ADAM22: variants seen among roughly 807,000 people sequenced by gnomAD.
The protein encoded by ADAM22 is disintegrin and metalloproteinase domain-containing protein 22.
ADAM22 carries 65 observed loss-of-function variants against 144.6 expected under a neutral mutation model. That is an observed-to-expected ratio of 0.45 (90% CI 0.37 to 0.55). The LOEUF (loss-of-function observed/expected upper bound fraction) is 0.55, where lower values mean the gene tolerates loss of function less well. Ranked by LOEUF, ADAM22 falls within the 20% of genes least tolerant of loss-of-function variation. ADAM22 has a pLI of 0.00. For synonymous variants in ADAM22, 391 were observed against 412.6 expected (o/e 0.95, Z 0.63); for missense variants, 974 against 1,184.9 (o/e 0.82, Z 2.61).
In ADAM22 at chr7:87,935,102, CCTCATCTACCG is replaced by C; in HGVS notation, c.166_176del (p.Ile56GlyfsTer28). On this transcript the variant is annotated frameshift_variant, in exon 2 of 32. Coordinates refer to ENST00000413139, the MANE Select transcript of ADAM22 (RefSeq NM_001324418.2). LOFTEE classifies it high-confidence loss of function. ...AGCGCCAGAGCATCGTGCCACTGCG[CCTCATCTACCG>C]CTCGGGCGGCGAAGACGAAAGTCGG... The C allele has an allele frequency of 2.5e-6, 4 of 1,614,064 alleles. No individual in the cohort carries two copies. Among genetic ancestry groups the C allele is most frequent in the Non-Finnish European group, 3.4e-6 (4 of 1,180,020 alleles).
intron 3 of ADAM22, among the ~76,000 whole-genome samples, chr7:88,011,464 C>T (rs1025791334): frequency 6.6e-5 from 10 of 151,126 alleles, no homozygotes; most frequent in African/African-American, 2.4e-4. Flanking sequence ...GGCGTGAACC[C>T]GGCAGGCAGA....
intron 3 of ADAM22, among the ~76,000 whole-genome samples, chr7:87,981,082 G>A (rs980988157): frequency 6.6e-6 from 1 of 152,032 alleles, no homozygotes; most frequent in Admixed American, 6.6e-5. Flanking sequence ...TGAAGAAGTG[G>A]ATAATTAAAC....
At chr7:88,178,908 G>T in intron 26 of ADAM22, 27 bp from the exon 27 acceptor site, 1 of 1,484,196 alleles carries the variant, frequency 6.7e-7, no homozygotes, top group South Asian at 1.3e-5. Flanking sequence ...CTTGTTTTCT[G>T]ACTCTGAAAT....
intron 3 of ADAM22, among the ~76,000 whole-genome samples, chr7:87,992,948 A>T (rs2129451885): frequency 6.6e-6 from 1 of 152,316 alleles, no homozygotes; most frequent in Non-Finnish European, 1.5e-5. Flanking sequence ...ACCTTGGTAA[A>T]GTAAAAGGTA....
intron 31 of ADAM22, 54 bp downstream of exon 31, chr7:88,193,293 A>G (rs1159646532): frequency 2.6e-6 from 4 of 1,552,600 alleles, no homozygotes; most frequent in African/African-American, 1.4e-5. Context: ...TCATTTATCT[A>G]TGAGTTTATA....
chr7:88,079,743 A>G (rs1815901540), intron 4 of ADAM22, among the ~76,000 whole-genome samples: 2 of 152,208 alleles, frequency 1.3e-5, no homozygotes, highest in Admixed American at 6.5e-5. Flanking sequence ...ATCAAAAGAG[A>G]CAAAGAAGGC....
chr7:88,191,928 A>C lies in ADAM22; in HGVS notation c.2751-1188A>C, dbSNP rs544873853. Among the ~76,000 whole-genome samples, 10 of 152,382 alleles carry C rather than the reference A, an allele frequency of 6.6e-5. No individual in the cohort carries two copies. In the South Asian group the frequency reaches 2.1e-3, roughly 32 times the overall value. ...TATTTTCAAACTTTAGCTTGAATTC[A>C]GTGTCCATAAAATGGAAATTAGTAT... On this transcript the variant is annotated intron_variant, in intron 30 of 31. Transcript: ENST00000413139.
At chr7:88,120,263 G>A (rs1828929510) in intron 7 of ADAM22, among the ~76,000 whole-genome samples, 1 of 151,814 alleles carries the variant, frequency 6.6e-6, no homozygotes, top group South Asian at 2.1e-4. Context: ...GTGCCATGTT[G>A]GTGTGCTGCA....
At chr7:88,170,095 A>G (rs1843944094) in intron 25 of ADAM22, among the ~76,000 whole-genome samples, 1 of 152,026 alleles carries the variant, frequency 6.6e-6, no homozygotes, top group African/African-American at 2.4e-5. Flanking sequence ...AGATCTGTTC[A>G]TTCCTCAATA....
intron 2 of ADAM22, among the ~76,000 whole-genome samples, chr7:87,974,137 GAAAA>G (rs1012385636): frequency 6.8e-6 from 1 of 147,492 alleles, no homozygotes; most frequent in African/African-American, 2.5e-5. Context: ...CTACTAAAAA[GAAAA>G]AAATACAAAA....
In ADAM22 at chr7:88,142,990, G is replaced by A. The variant is rs1220007897; in HGVS notation, c.1221-36G>A. 3.0e-6 allele frequency: 4 copies of A among 1,350,278 alleles called. No individual in the cohort carries two copies. In the African/African-American group the frequency reaches 5.8e-5, roughly 20 times the overall value. 83.6% of individuals were successfully genotyped at this position (1,350,278 alleles called of 1,614,324 possible). A position where few individuals can be genotyped will look rare whatever the true frequency, so the allele number is the denominator to read the frequency against. On this transcript the variant is annotated intron_variant, in intron 14 of 31. Transcript: ENST00000413139. ...AGACATTCACAAATGAGAAAGATGA[G>A]TTGAACCCAGCTATTGCTTTTCTTC...
chr7:87,948,317 A>G (rs888234514), intron 2 of ADAM22, among the ~76,000 whole-genome samples: 7 of 152,224 alleles, frequency 4.6e-5, no homozygotes, highest in African/African-American at 1.2e-4. Context: ...AAAATGTGTT[A>G]TAATTCAACA....
intron 2 of ADAM22, among the ~76,000 whole-genome samples, chr7:87,955,351 C>T (rs538267070): frequency 7.9e-5 from 12 of 152,280 alleles, no homozygotes; most frequent in African/African-American, 2.9e-4. Flanking sequence ...TTCCTTCTAA[C>T]AGACAGGACC....
chr7:88,159,760 A>G (rs1395687692), intron 22 of ADAM22, among the ~76,000 whole-genome samples: 3 of 152,142 alleles, frequency 2.0e-5, no homozygotes, highest in Admixed American at 1.3e-4. Context: ...CATACCTCAA[A>G]ATAAGAGCCA....
intron 2 of ADAM22, among the ~76,000 whole-genome samples, chr7:87,938,698 G>C (rs892460788): frequency 6.6e-6 from 1 of 151,996 alleles, no homozygotes; most frequent in Non-Finnish European, 1.5e-5. Context: ...CAGGCTGGAT[G>C]GAGTGCAGCG....
chr7:87,975,472 A>G (rs1336552897), intron 2 of ADAM22, among the ~76,000 whole-genome samples: 3 of 152,224 alleles, frequency 2.0e-5, no homozygotes, highest in African/African-American at 7.2e-5. Context: ...GCCTTATATT[A>G]AAACTATGTT....
intron 3 of ADAM22, among the ~76,000 whole-genome samples, chr7:88,043,085 T>A (rs1803555110): frequency 6.6e-6 from 1 of 151,898 alleles, no homozygotes; most frequent in Admixed American, 6.6e-5. Flanking sequence ...CCATTTCAAA[T>A]CTGCAGCTTC....
chr7:88,076,661 G>C (rs1563161390), intron 4 of ADAM22, among the ~76,000 whole-genome samples: 1 of 152,076 alleles, frequency 6.6e-6, no homozygotes, highest in African/African-American at 2.4e-5. Flanking sequence ...AAAAATAAAA[G>C]CCTCCACCAG....
At chr7:88,118,909 G>A (rs899263377) in intron 7 of ADAM22, among the ~76,000 whole-genome samples, 4 of 151,902 alleles carry the variant, frequency 2.6e-5, no homozygotes, top group Non-Finnish European at 5.9e-5. Context: ...AACAAGAAAT[G>A]GACAAATAAA....
Sources: allele counts gnomAD v4.1 joint callset (sites outside exome capture counted in the v4.1 genomes callset), GRCh38; gene constraint gnomAD v4.1.1; transcripts MANE v1.5; gene names NCBI Gene and HGNC (gene_info 2026-07-23, HGNC 2026-07-21).